Variants in UNC13B observed in about 807,000 individuals in gnomAD.
The protein encoded by UNC13B is protein unc-13 homolog B.
In UNC13B, 144 loss-of-function variants were observed where a neutral mutation model predicts 211.0. The ratio of observed to expected loss-of-function variants is 0.68; its 90% confidence interval spans 0.60 to 0.78. UNC13B has a LOEUF of 0.78. Among genes scored for constraint, UNC13B ranks in the 30% least tolerant of loss-of-function variants. The pLI, the probability that UNC13B is intolerant of heterozygous loss-of-function variation, is 0.00. For synonymous variants in UNC13B, 709 were observed against 725.8 expected (o/e 0.98, Z 0.37); for missense variants, 1,777 against 2,002.0 (o/e 0.89, Z 2.14).
rs544462968 is a variant in UNC13B, at chr9:35,237,741, G to A, written c.309G>A (p.Thr103=). Residue 103 remains threonine, a synonymous_variant, in exon 5 of 40, where the codon ACG becomes ACA. Transcript: ENST00000635942. ...AATGGTCCACATTAGAGGCAGAGAC[G>A]TTAATGAAAGACGATGAGATCTGTG... ...PGEWSTLEAE[T]LMKDDEICGT... 21 of 1,613,932 alleles carry A rather than the reference G, an allele frequency of 1.3e-5. No homozygotes were observed. In the African/African-American group the frequency reaches 1.7e-4, roughly 13 times the overall value.
At chr9:35,341,959 G>A (rs890918960) in intron 11 of UNC13B, 31 of 985,504 alleles carry the variant, frequency 3.1e-5, no homozygotes, top group Non-Finnish European at 3.7e-5. Flanking sequence ...GGCTGCTGTT[G>A]CCTTCAGCAG....
At chr9:35,186,078 T>C (rs1822344488) in intron 1 of UNC13B, among the ~76,000 whole-genome samples, 1 of 152,134 alleles carries the variant, frequency 6.6e-6, no homozygotes, top group Admixed American at 6.5e-5. Context: ...TGCCTCATCA[T>C]ACAGTGTTCC....
At chr9:35,396,438 C>T (rs1275149728) in intron 26 of UNC13B, 38 bp from the exon 27 acceptor site, 1 of 1,612,856 alleles carries the variant, frequency 6.2e-7, no homozygotes, top group East Asian at 2.2e-5. Flanking sequence ...ATGGCCTCTA[C>T]TGCTGGGACC....
Position 35,375,962 on chromosome 9 carries a change from A to G in UNC13B, c.9616-66A>G, listed in dbSNP as rs964646327. 7.1e-6 allele frequency: 11 copies of G among 1,541,414 alleles called. No individual in the cohort carries two copies. The African/African-American group carries it at 1.1e-4, about 15-fold the overall frequency. On this transcript the variant is annotated intron_variant, in intron 14 of 39. Transcript: ENST00000635942. ...ACCACTGCACTCCAGCCTGGGCAAC[A>G]GAGCAAGACTCTGTCTCAAAACAAA... is the stretch of plus-strand genomic sequence containing the variant.
At chr9:35,341,646 A>G (rs1009236502) in intron 11 of UNC13B, among the ~76,000 whole-genome samples, 3 of 152,218 alleles carry the variant, frequency 2.0e-5, no homozygotes, top group African/African-American at 7.2e-5. Flanking sequence ...AGGGAGGAGA[A>G]GAACGAGGGA....
intron 1 of UNC13B, among the ~76,000 whole-genome samples, chr9:35,204,578 A>G (rs1823533606): frequency 6.6e-6 from 1 of 152,214 alleles, no homozygotes; most frequent in Non-Finnish European, 1.5e-5. Context: ...TGGATGTGAG[A>G]CATGGAGTCA....
At chr9:35,251,503 C>G (rs1377563466) in intron 6 of UNC13B, among the ~76,000 whole-genome samples, 1 of 152,110 alleles carries the variant, frequency 6.6e-6, no homozygotes, top group Non-Finnish European at 1.5e-5. Context: ...AGGAGAATCA[C>G]TTGAACCTAG....
At chr9:35,356,188 A>G (rs1226571071) in intron 11 of UNC13B, among the ~76,000 whole-genome samples, 3 of 152,226 alleles carry the variant, frequency 2.0e-5, no homozygotes, top group Admixed American at 6.5e-5. Context: ...ACAAGCACAC[A>G]GGCCAGACTC....
intron 11 of UNC13B, among the ~76,000 whole-genome samples, chr9:35,349,402 G>T (rs1459080191): frequency 6.6e-6 from 1 of 152,016 alleles, no homozygotes; most frequent in Non-Finnish European, 1.5e-5. Flanking sequence ...TGTCCTTGTG[G>T]GAAGAGAGAA....
chr9:35,263,013 A>G (rs1379033268), intron 7 of UNC13B, among the ~76,000 whole-genome samples: 1 of 152,158 alleles, frequency 6.6e-6, no homozygotes, highest in Admixed American at 6.6e-5. Context: ...TTTTATTTAC[A>G]AAAATAGTTT....
chr9:35,288,645 G>A (rs780253204), intron 7 of UNC13B, among the ~76,000 whole-genome samples: 38 of 152,354 alleles, frequency 2.5e-4, no homozygotes, highest in Non-Finnish European at 3.5e-4. Flanking sequence ...AGCTAAAGTG[G>A]TGAGAATATG....
At chr9:35,311,697 T>C (rs1830186923) in intron 10 of UNC13B, among the ~76,000 whole-genome samples, 1 of 152,194 alleles carries the variant, frequency 6.6e-6, no homozygotes, top group African/African-American at 2.4e-5. Context: ...ACTTTTTTGG[T>C]GAACATTTTG....
At chr9:35,353,802 TA>T in intron 11 of UNC13B, 1 of 1,231,864 alleles carries the variant, frequency 8.1e-7, no homozygotes, top group Non-Finnish European at 1.0e-6. Flanking sequence ...GTAGAAGACA[TA>T]CACTCAGGTA....
At chr9:35,399,833 A>T (rs1836170321) in intron 36 of UNC13B, 104 bp downstream of exon 36, 1 of 1,118,642 alleles carries the variant, frequency 8.9e-7, no homozygotes, top group Admixed American at 1.9e-5. Flanking sequence ...AACACTCCAC[A>T]TCCAGAAGAG....
At chr9:35,261,854 A>G (rs897960583) in intron 7 of UNC13B, among the ~76,000 whole-genome samples, 1 of 152,148 alleles carries the variant, frequency 6.6e-6, no homozygotes, top group Non-Finnish European at 1.5e-5. Context: ...GCTCCCACAA[A>G]CGAGTGAGAA....
chr9:35,360,739 T>A (rs1833357085), intron 11 of UNC13B: 1 of 152,218 alleles, frequency 6.6e-6, no homozygotes, highest in Non-Finnish European at 1.5e-5. Context: ...GCAGCCTTGA[T>A]CTCCTGGTCT....
At chr9:35,167,754 A>ATTTTTTTT (rs765603183) in intron 1 of UNC13B, among the ~76,000 whole-genome samples, 14 of 115,682 alleles carry the variant, frequency 1.2e-4, no homozygotes, top group Admixed American at 1.9e-4. Context: ...TGCCTGGCTA[A>ATTTTTTTT]TTTTTTTTTT....
intron 1 of UNC13B, among the ~76,000 whole-genome samples, chr9:35,226,722 C>T (rs1290538809): frequency 6.6e-6 from 1 of 152,220 alleles, no homozygotes; most frequent in East Asian, 1.9e-4. Flanking sequence ...CCGCGTTCCT[C>T]TGCCTGCTTT....
intron 1 of UNC13B, among the ~76,000 whole-genome samples, chr9:35,194,962 T>A (rs117169658): frequency 0.01 from 1,576 of 152,316 alleles, 13 homozygotes; most frequent in Non-Finnish European, 0.016. Flanking sequence ...TGGCGGCGGA[T>A]GTGCCGGATT....
Sources: gnomAD v4.1 joint callset for allele counts (sites outside exome capture counted in the v4.1 genomes callset) on GRCh38, gnomAD v4.1.1 for gene constraint, MANE v1.5 for transcripts, NCBI Gene and HGNC (gene_info 2026-07-23, HGNC 2026-07-21) for gene names.